UGT1A10: variants seen among roughly 807,000 people sequenced by gnomAD.
UGT1A10 encodes UDP-glucuronosyltransferase 1A10.
In UGT1A10, 49 loss-of-function variants were observed where a neutral mutation model predicts 45.8. The observed-to-expected ratio is 1.07, with a 90% confidence interval of 0.85 to 1.36. The LOEUF (loss-of-function observed/expected upper bound fraction) is 1.36, where lower values mean the gene tolerates loss of function less well. Ranked by LOEUF, UGT1A10 falls within the 40% of genes most tolerant of loss-of-function variation. The pLI, the probability that UGT1A10 is intolerant of heterozygous loss-of-function variation, is 0.00. For synonymous variants in UGT1A10, 284 were observed against 249.7 expected, an observed-to-expected ratio of 1.14 and a Z score of -1.29; for missense variants, 745 against 668.6, an observed-to-expected ratio of 1.11 and a Z score of -1.26.
At chr2:233,713,978 A>G in intron 1 of UGT1A10, 1 of 1,594,024 alleles carries the variant, frequency 6.3e-7, no homozygotes, top group Non-Finnish European at 8.5e-7. Flanking sequence ...TCTGCTTCTC[A>G]TTGTTGTAAT....
intron 2 of UGT1A10, 65 bp downstream of exon 2, chr2:233,767,230 G>C: frequency 2.5e-6 from 4 of 1,610,018 alleles, no homozygotes; most frequent in South Asian, 2.2e-5. Context: ...CAGACTTCCA[G>C]CTTCCAGATT....
At chr2:233,729,097 G>A in intron 1 of UGT1A10, 5 of 1,612,664 alleles carry the variant, frequency 3.1e-6, no homozygotes, top group Non-Finnish European at 4.2e-6. Flanking sequence ...GCGTGGGGTG[G>A]ACAGTCAGCT....
rs1700559887 is a variant in UGT1A10, at chr2:233,772,963, A to G, written c.*404A>G. On this transcript the variant is annotated 3_prime_UTR_variant, in exon 5 of 5. Coordinates refer to ENST00000344644, the MANE Select transcript of UGT1A10 (RefSeq NM_019075.4). ...TGGCTTCTGCAGATGGTTGCAATTG[A>G]TCCTTAACCAATAATGGTCAGTCCT... 3.2e-6 allele frequency: 1 copy of G among 310,458 alleles called. No homozygotes were observed. Among genetic ancestry groups the G allele is most frequent in the South Asian group, 3.3e-5 (1 of 30,404 alleles). 19.2% of individuals were successfully genotyped at this position (310,458 alleles called of 1,614,324 possible).
At chr2:233,765,205 T>G (rs540441075) in intron 1 of UGT1A10, among the ~76,000 whole-genome samples, 9 of 152,292 alleles carry the variant, frequency 5.9e-5, no homozygotes, top group African/African-American at 2.2e-4. Flanking sequence ...ATTAGTGCCC[T>G]CAGTATTCTT....
At chr2:233,671,786 G>C in intron 1 of UGT1A10, 1 of 1,405,174 alleles carries the variant, frequency 7.1e-7, no homozygotes. Context: ...GTTCTTTTGG[G>C]TAAATCATTG....
intron 4 of UGT1A10, among the ~76,000 whole-genome samples, chr2:233,768,769 A>G (rs1559416355): frequency 6.6e-6 from 1 of 151,738 alleles, no homozygotes; most frequent in Non-Finnish European, 1.5e-5. Flanking sequence ...TTTTTAGTAG[A>G]GAAAGGGTTT....
At chr2:233,743,710 G>A (rs199592554) in intron 1 of UGT1A10, 114 of 1,367,318 alleles carry the variant, frequency 8.3e-5, no homozygotes, top group East Asian at 1.8e-4. Context: ...CCCCCGCCTC[G>A]CCATAGCGGT....
intron 1 of UGT1A10, among the ~76,000 whole-genome samples, chr2:233,659,311 A>C (rs1266841493): frequency 6.6e-6 from 1 of 152,212 alleles, no homozygotes; most frequent in East Asian, 1.9e-4. Context: ...TAACTTAACT[A>C]TTAATAGCCT....
chr2:233,740,556 T>G (rs1691418967), intron 1 of UGT1A10: 1 of 151,834 alleles, frequency 6.6e-6, no homozygotes, highest in African/African-American at 2.4e-5. Flanking sequence ...AGAAAAAATG[T>G]CCGGCATTTT....
chr2:233,727,367 AG>A (rs1325581943), intron 1 of UGT1A10, among the ~76,000 whole-genome samples: 7 of 152,052 alleles, frequency 4.6e-5, no homozygotes, highest in Non-Finnish European at 1.0e-4. Flanking sequence ...TAGGGCCCCT[AG>A]GTCTCTGGAG....
At chr2:233,665,515 C>G (rs1302172610) in intron 1 of UGT1A10, among the ~76,000 whole-genome samples, 1 of 152,068 alleles carries the variant, frequency 6.6e-6, no homozygotes, top group East Asian at 1.9e-4. Context: ...GAGGCAGAAG[C>G]AATAGGAATG....
Position 233,656,539 on chromosome 2 carries a change from T to A in UGT1A10, c.855+19162T>A, listed in dbSNP as rs191482539. ...ACTCTGTGGCAGTTGGAACATAGTT[T>A]ATTCTTTAAGTGTAGGCGCCCATGA... On this transcript the variant is annotated intron_variant, in intron 1 of 4. Transcript: ENST00000344644. Among the ~76,000 whole-genome samples, 7 of 152,354 alleles carry A rather than the reference T, an allele frequency of 4.6e-5. No homozygotes were observed. The South Asian group carries it at 1.5e-3, about 32-fold the overall frequency.
chr2:233,693,900 T>C, intron 1 of UGT1A10: 4 of 1,613,588 alleles, frequency 2.5e-6, no homozygotes, highest in African/African-American at 1.3e-5. Context: ...CTGCCTTGTT[T>C]CTTCCAGGCT....
intron 1 of UGT1A10, among the ~76,000 whole-genome samples, chr2:233,715,816 G>A (rs1294109650): frequency 6.6e-6 from 1 of 152,118 alleles, no homozygotes; most frequent in Non-Finnish European, 1.5e-5. Context: ...TTGTTTTAAA[G>A]TTAGAAAACA....
At chr2:233,757,238 G>A (rs191269433) in intron 1 of UGT1A10, among the ~76,000 whole-genome samples, 1 of 149,106 alleles carries the variant, frequency 6.7e-6, no homozygotes, top group Non-Finnish European at 1.5e-5. Context: ...AGAAGTGGTG[G>A]TGAGGTGGGG....
chr2:233,683,078 C>T (rs1475851543), intron 1 of UGT1A10, among the ~76,000 whole-genome samples: 1 of 152,052 alleles, frequency 6.6e-6, no homozygotes, highest in East Asian at 1.9e-4. Flanking sequence ...AGAAATGAAA[C>T]TTCCCTTTTT....
intron 1 of UGT1A10, chr2:233,730,102 T>C (rs972272241): frequency 1.9e-6 from 3 of 1,578,724 alleles, no homozygotes; most frequent in East Asian, 2.3e-5. Context: ...AAATATTTCA[T>C]TTCTGCTTCT....
chr2:233,695,421 GCCT>G (rs1300912174), intron 1 of UGT1A10, among the ~76,000 whole-genome samples: 1 of 136,992 alleles, frequency 7.3e-6, no homozygotes, highest in Non-Finnish European at 1.6e-5. Context: ...ACCGCGCCCG[GCCT>G]TCTTCTTCTT....
At chr2:233,682,158 T>A (rs754272342) in intron 1 of UGT1A10, 11 of 1,614,086 alleles carry the variant, frequency 6.8e-6, no homozygotes, top group Non-Finnish European at 9.3e-6. Context: ...AATTGCACAG[T>A]GAAGACTTAC....
Sources: gnomAD v4.1 joint callset for allele counts (sites outside exome capture counted in the v4.1 genomes callset) on GRCh38, gnomAD v4.1.1 for gene constraint, MANE v1.5 for transcripts, NCBI Gene and HGNC (gene_info 2026-07-23, HGNC 2026-07-21) for gene names.